Variants in MALRD1 observed in about 807,000 individuals in gnomAD.
The protein encoded by MALRD1 is MAM and LDL-receptor class A domain-containing protein 1.
A neutral mutation model predicts 242.1 loss-of-function variants in MALRD1; 247 were observed. The observed-to-expected ratio is 1.02, with a 90% CI of 0.92 to 1.13. The LOEUF is 1.13. MALRD1 is among the 50% of genes most tolerant of loss of function. The pLI is 0.00. For missense variants in MALRD1, 2,989 were observed against 2,533.1 expected (o/e 1.18, Z -3.86); for synonymous variants, 995 against 866.6 (o/e 1.15, Z -2.60).
At chr10:19,587,112 C>A (rs954077706) in intron 33 of MALRD1, among the ~76,000 whole-genome samples, 1 of 152,214 alleles carries the variant, frequency 6.6e-6, no homozygotes, top group Non-Finnish European at 1.5e-5. Flanking sequence ...ACCCACTGAC[C>A]TGCGTCCACT....
chr10:19,537,438 C>G (rs538918234), intron 32 of MALRD1, among the ~76,000 whole-genome samples: 173 of 151,828 alleles, frequency 1.1e-3, no homozygotes, highest in African/African-American at 4.0e-3. Context: ...AGTTTGGTGT[C>G]TTACCAGACC....
chr10:19,401,060 C>T (rs1846816370), intron 28 of MALRD1, among the ~76,000 whole-genome samples: 1 of 151,772 alleles, frequency 6.6e-6, no homozygotes, highest in Admixed American at 6.6e-5. Context: ...GAAAGGAGAA[C>T]ATTATTTCAA....
At chr10:19,341,541 T>C (rs1843876560) in intron 24 of MALRD1, among the ~76,000 whole-genome samples, 3 of 144,788 alleles carry the variant, frequency 2.1e-5, no homozygotes, top group African/African-American at 7.6e-5. Flanking sequence ...TATACACACA[T>C]ATATATACAC....
chr10:19,521,168 T>C (rs1833864398), intron 31 of MALRD1, among the ~76,000 whole-genome samples: 1 of 152,118 alleles, frequency 6.6e-6, no homozygotes, highest in Admixed American at 6.6e-5. Context: ...TATCTCATCG[T>C]TTTATAAGCA....
chr10:19,397,656 C>G (rs145821577), intron 28 of MALRD1, among the ~76,000 whole-genome samples: 27 of 152,010 alleles, frequency 1.8e-4, no homozygotes, highest in African/African-American at 5.5e-4. Flanking sequence ...TTTGAGGAAC[C>G]GACATACTGT....
At chr10:19,497,057 G>A (rs536284969) in intron 30 of MALRD1, among the ~76,000 whole-genome samples, 2 of 152,146 alleles carry the variant, frequency 1.3e-5, no homozygotes, top group Non-Finnish European at 2.9e-5. Flanking sequence ...AAGCGGGACA[G>A]GAGGTACAAG....
rs1175201167 is a variant in MALRD1, at chr10:19,491,503, T to C, written c.5030-14T>C. 1.3e-6 allele frequency: 2 copies of C among 1,548,188 alleles called. No individual in the cohort carries two copies. Reference sequence around the variant, plus strand: ...TTGATGGAATACTGCTTTTGTTTTTTTGTTTTTCCCTAGTGGGAGAGATCT... The same window carrying C: ...TTGATGGAATACTGCTTTTGTTTTTCTGTTTTTCCCTAGTGGGAGAGATCT... On this transcript the variant is annotated splice_polypyrimidine_tract_variant and intron_variant, in intron 29 of 39. Transcript: ENST00000454679.
chr10:19,344,458 T>C (rs1408288654), intron 24 of MALRD1, among the ~76,000 whole-genome samples: 3 of 152,052 alleles, frequency 2.0e-5, no homozygotes, highest in African/African-American at 2.4e-5. Flanking sequence ...AAATTAGTTG[T>C]ACTTACATGG....
intron 24 of MALRD1, among the ~76,000 whole-genome samples, chr10:19,335,391 A>AT (rs1050288767): frequency 3.3e-5 from 5 of 151,546 alleles, no homozygotes; most frequent in African/African-American, 1.2e-4. Context: ...AGCATTGCTA[A>AT]TTTTTTTTTA....
chr10:19,647,185 T>G (rs1457743237), intron 36 of MALRD1, among the ~76,000 whole-genome samples: 1 of 152,210 alleles, frequency 6.6e-6, no homozygotes, highest in Non-Finnish European at 1.5e-5. Flanking sequence ...GTGCCCTGTT[T>G]TATCTGGAAA....
At chr10:19,325,201 G>T (rs1843074785) in intron 22 of MALRD1, among the ~76,000 whole-genome samples, 1 of 151,456 alleles carries the variant, frequency 6.6e-6, no homozygotes, top group African/African-American at 2.4e-5. Flanking sequence ...TTTAGTCAAT[G>T]TATTATAATC....
chr10:19,622,665 CTA>C (rs1454951085), intron 36 of MALRD1, among the ~76,000 whole-genome samples: 6 of 145,232 alleles, frequency 4.1e-5, no homozygotes, highest in African/African-American at 1.5e-4. Context: ...AAAAAACAAA[CTA>C]TGAGAATCTG....
chr10:19,547,353 C>T (rs776779196), intron 32 of MALRD1, among the ~76,000 whole-genome samples: 7 of 151,948 alleles, frequency 4.6e-5, no homozygotes, highest in South Asian at 2.1e-4. Context: ...AACGACTGCC[C>T]GACTGGAACA....
chr10:19,372,789 C>T (rs1845436207), intron 26 of MALRD1, among the ~76,000 whole-genome samples: 3 of 151,774 alleles, frequency 2.0e-5, no homozygotes, highest in Non-Finnish European at 2.9e-5. Context: ...TTTTAAACTC[C>T]ATTTATGTAT....
intron 10 of MALRD1, among the ~76,000 whole-genome samples, chr10:19,138,475 C>T (rs1266481794): frequency 3.4e-5 from 5 of 147,660 alleles, no homozygotes; most frequent in African/African-American, 1.3e-4. Flanking sequence ...GGCTGGAGTG[C>T]AATGGCATGA....
intron 17 of MALRD1, 66 bp from the exon 18 acceptor site, chr10:19,209,202 A>G: frequency 4.5e-6 from 6 of 1,335,274 alleles, no homozygotes; most frequent in Non-Finnish European, 6.0e-6. Context: ...ATATTAATAA[A>G]TAGAATGTGG....
At chr10:19,572,240 A>G (rs1415720185) in intron 33 of MALRD1, among the ~76,000 whole-genome samples, 2 of 152,228 alleles carry the variant, frequency 1.3e-5, no homozygotes, top group African/African-American at 4.8e-5. Context: ...GAGTCAGCAG[A>G]AGAGTGTGTT....
At chr10:19,605,448 G>A (rs573943181) in intron 34 of MALRD1, among the ~76,000 whole-genome samples, 25 of 150,080 alleles carry the variant, frequency 1.7e-4, no homozygotes, top group Non-Finnish European at 3.4e-4. Context: ...GATTACAGGC[G>A]TGAGCCACTG....
intron 38 of MALRD1, among the ~76,000 whole-genome samples, chr10:19,692,834 T>TTA (rs1455583588): frequency 4.3e-5 from 6 of 140,944 alleles, no homozygotes; most frequent in Non-Finnish European, 7.6e-5. Context: ...ATATATGAAA[T>TTA]TATATATATA....
Sources: allele counts gnomAD v4.1 joint callset (sites outside exome capture counted in the v4.1 genomes callset), GRCh38; gene constraint gnomAD v4.1.1; transcripts MANE v1.5; gene names NCBI Gene and HGNC (gene_info 2026-07-23, HGNC 2026-07-21).